The following PCDHGA5 variants were observed in gnomAD, a reference collection of about 807,000 sequenced individuals.
PCDHGA5 encodes protocadherin gamma subfamily A, 5.
PCDHGA5 carries 36 observed loss-of-function variants against 56.7 expected under a neutral mutation model. The observed-to-expected ratio is 0.64, with a 90% CI of 0.49 to 0.84. PCDHGA5 has a LOEUF of 0.84. Among genes scored for constraint, PCDHGA5 ranks in the 40% least tolerant of loss-of-function variants. PCDHGA5 has a pLI of 0.00. For synonymous variants in PCDHGA5, 563 were observed against 520.2 expected (o/e 1.08, Z -1.12); for missense variants, 1,305 against 1,201.5 (o/e 1.09, Z -1.27).
rs1588612926 is a variant in PCDHGA5, at chr5:141,365,409, G to A, written c.1079G>A (p.Cys360Tyr). The change falls in exon 1 of 4, where the codon TGT becomes TAT. Residue 360 changes from cysteine (C) to tyrosine (Y), a missense_variant. Cys to Tyr is a radical substitution (Grantham distance 194). Coordinates refer to ENST00000518069, the MANE Select transcript of PCDHGA5 (RefSeq NM_018918.3). ...TSLTSSISED[C>Y]LPGTVIALFS... ...CTGACCAGTTCGATCTCTGAAGACTGTCTTCCCGGAACTGTAATCGCGCTG... is the reference window on the plus strand; with the variant it reads ...CTGACCAGTTCGATCTCTGAAGACTATCTTCCCGGAACTGTAATCGCGCTG... 2 of 1,613,994 alleles carry A rather than the reference G, an allele frequency of 1.2e-6. No individual in the cohort carries two copies. Among genetic ancestry groups the A allele is most frequent in the Non-Finnish European group, 1.7e-6 (2 of 1,179,894 alleles).
chr5:141,491,253 T>C lies in PCDHGA5; in HGVS notation c.2422-3554T>C, dbSNP rs71583648. The C allele has an allele frequency of 2.3e-3, 3,639 of 1,614,176 alleles. 33 individuals carry two copies. The African/African-American group carries it at 0.026, about 11-fold the overall frequency. Reference sequence around the variant, plus strand: ...TGCTGGTTCTGGAGGATGAGGACCCTGAGGAAATGCCCAAATCCAGTGACT... The same window carrying C: ...TGCTGGTTCTGGAGGATGAGGACCCCGAGGAAATGCCCAAATCCAGTGACT... On this transcript the variant is annotated intron_variant, in intron 1 of 3. Coordinates refer to ENST00000518069, the MANE Select transcript of PCDHGA5 (RefSeq NM_018918.3). This position sits in a 1 kb window ranked among gnomAD's most constrained non-coding sequence, Gnocchi z 6.9.
At chr5:141,503,502 G>A (rs750139098) in intron 2 of PCDHGA5, among the ~76,000 whole-genome samples, 5 of 151,828 alleles carry the variant, frequency 3.3e-5, no homozygotes, top group Admixed American at 2.0e-4. Context: ...AAGAGGCTGA[G>A]GCAGGAGAAT....
chr5:141,394,987 T>G (rs2093144127), intron 1 of PCDHGA5: 1 of 1,613,874 alleles, frequency 6.2e-7, no homozygotes, highest in South Asian at 1.1e-5. Context: ...TCACGCCTGC[T>G]CCAGGATTCC....
chr5:141,366,464 C>A lies in PCDHGA5; in HGVS notation c.2134C>A (p.Leu712Met). ...CVFLAFVIVL[L>M]VLRLRRWHKS... ...CTTCCTGGCCTTCGTCATCGTGCTG[C>A]TGGTGCTCAGACTGAGGCGCTGGCA... is the stretch of plus-strand genomic sequence containing the variant. Residue 712 changes from leucine to methionine, a missense_variant, in exon 1 of 4, where the codon CTG becomes ATG. Transcript: ENST00000518069. The A allele has an allele frequency of 5.0e-6, 8 of 1,614,226 alleles. No individual in the cohort carries two copies. Among genetic ancestry groups the A allele is most frequent in the Non-Finnish European group, 6.8e-6 (8 of 1,180,052 alleles).
At chr5:141,430,573 A>T (rs938248057) in intron 1 of PCDHGA5, 2 of 449,056 alleles carry the variant, frequency 4.5e-6, no homozygotes, top group Non-Finnish European at 7.6e-6. Flanking sequence ...AGAAAAGCGG[A>T]GATCCTGCTC....
chr5:141,485,185 G>C lies in PCDHGA5; in HGVS notation c.2422-9622G>C. On this transcript the variant is annotated intron_variant, in intron 1 of 3. Transcript: ENST00000518069. This position sits in a 1 kb window ranked among gnomAD's most constrained non-coding sequence, Gnocchi z 5.7. ...AGCGGGCGGCAGCAATGCTCCGCAA[G>C]GTGAGAAGCTGGACAGAAATCTGGC... 6.2e-7 allele frequency: 1 copy of C among 1,613,528 alleles called. No homozygotes were observed. Among genetic ancestry groups the C allele is most frequent in the Non-Finnish European group, 8.5e-7 (1 of 1,179,492 alleles).
Position 141,511,313 on chromosome 5 carries a change from C to T in PCDHGA5, c.*140C>T. ...CCAAGGCCATGCTCCCCTTGGGAAA[C>T]AGAAACAAGTGCCCAGTCAGCACCT... On this transcript the variant is annotated 3_prime_UTR_variant, in exon 4 of 4. Transcript: ENST00000518069. 2 of 1,482,944 alleles carry T rather than the reference C, an allele frequency of 1.3e-6. No homozygotes were observed. The highest frequency in any genetic ancestry group is 2.3e-5 in the Admixed American group (1 of 43,596). 91.9% of individuals were successfully genotyped at this position (1,482,944 alleles called of 1,614,324 possible).
In PCDHGA5 at chr5:141,364,510, G is replaced by A. The variant is rs1763366973; in HGVS notation, c.180G>A (p.Ala60=). 5 of 1,614,022 alleles carry A rather than the reference G, an allele frequency of 3.1e-6. No individual in the cohort carries two copies. The highest frequency in any genetic ancestry group is 2.2e-5 in the South Asian group (2 of 91,086). The change falls in exon 1 of 4, where the codon GCG becomes GCA. Residue 60 remains alanine, a synonymous_variant. Coordinates refer to ENST00000518069, the MANE Select transcript of PCDHGA5 (RefSeq NM_018918.3). The part of the protein sequence containing the change: ...KDLGLEPQEL[A]ERGVRIVSRG... ...TTGGGCTGGAGCCCCAGGAGCTGGC[G>A]GAGCGCGGAGTCCGCATCGTCTCCA...
At chr5:141,412,729 T>C (rs1411212101) in intron 1 of PCDHGA5, 1 of 153,332 alleles carries the variant, frequency 6.5e-6, no homozygotes, top group Non-Finnish European at 1.5e-5. Flanking sequence ...GAAAACGTGT[T>C]GCAAATATAT....
At chr5:141,415,467 C>T (rs754252558) in intron 1 of PCDHGA5, 2 of 1,614,080 alleles carry the variant, frequency 1.2e-6, no homozygotes, top group African/African-American at 1.3e-5. Context: ...TCTCTCTCAC[C>T]GCGGACTCGC....
chr5:141,419,616 AC>A, intron 1 of PCDHGA5: 1 of 1,612,204 alleles, frequency 6.2e-7, no homozygotes, highest in Non-Finnish European at 8.5e-7. Flanking sequence ...CAGCCAGGCT[AC>A]CTGGTGACCA....
Position 141,431,721 on chromosome 5 carries a change from C to T in PCDHGA5, c.2422-63086C>T. The T allele has an allele frequency of 1.2e-6, 2 of 1,614,246 alleles. No homozygotes were observed. Among genetic ancestry groups the T allele is most frequent in the Non-Finnish European group, 1.7e-6 (2 of 1,180,044 alleles). On this transcript the variant is annotated intron_variant, in intron 1 of 3. Transcript: ENST00000518069. The surrounding 1 kb of genome is among the most constrained non-coding windows in gnomAD (Gnocchi z 4.8). ...GGATTCTACCAGATGGAAGTGCAAGCAATGGATAATGCAGGATATTCTGCG... is the reference window on the plus strand; with the variant it reads ...GGATTCTACCAGATGGAAGTGCAAGTAATGGATAATGCAGGATATTCTGCG...
intron 1 of PCDHGA5, chr5:141,371,737 A>G (rs762168645): frequency 6.2e-7 from 1 of 1,614,038 alleles, no homozygotes; most frequent in South Asian, 1.1e-5. Context: ...GTCAACGACA[A>G]CGTTCCCGTT....
Position 141,399,593 on chromosome 5 carries a change from C to A in PCDHGA5, c.2421+32842C>A, listed in dbSNP as rs201515317. 170 of 1,613,988 alleles carry A rather than the reference C, an allele frequency of 1.1e-4. 1 individual carries two copies. The African/African-American group carries it at 1.5e-3, about 14-fold the overall frequency. On this transcript the variant is annotated intron_variant, in intron 1 of 3. Coordinates refer to ENST00000518069, the MANE Select transcript of PCDHGA5 (RefSeq NM_018918.3). Reference sequence around the variant, plus strand: ...GGCCAAGTCTCCTACTCTATCATGGCCAGCGACCTAGAGCCTCTGGCACTG... The same window carrying A: ...GGCCAAGTCTCCTACTCTATCATGGACAGCGACCTAGAGCCTCTGGCACTG...
In PCDHGA5 at chr5:141,454,796, A is replaced by ATTTTTT. The variant is rs61612330; in HGVS notation, c.2422-39987_2422-39982dup. Among the ~76,000 whole-genome samples the ATTTTTT allele has an allele frequency of 4.9e-3, 381 of 77,456 alleles. 41 individuals carry two copies. The highest frequency in any genetic ancestry group is 0.011 in the African/African-American group (178 of 16,882). 50.8% of individuals were successfully genotyped at this position (77,456 alleles called of 152,430 possible). ...AAGGAAATAATCCTCCATGGTTCTA[A>ATTTTTT]TTTTTTTTTTTTTTTTTTTTTTTTT... On this transcript the variant is annotated intron_variant, in intron 1 of 3. Coordinates refer to ENST00000518069, the MANE Select transcript of PCDHGA5 (RefSeq NM_018918.3).
At chr5:141,440,472 A>C (rs913774913) in intron 1 of PCDHGA5, 6 of 152,322 alleles carry the variant, frequency 3.9e-5, no homozygotes, top group Admixed American at 3.9e-4. Flanking sequence ...ACGGTAGTTG[A>C]AAATTCTTTA....
Position 141,365,587 on chromosome 5 carries a change from T to A in PCDHGA5, c.1257T>A (p.Asn419Lys). 6.2e-7 allele frequency: 1 copy of A among 1,613,686 alleles called. No homozygotes were observed. Among genetic ancestry groups the A allele is most frequent in the Non-Finnish European group, 8.5e-7 (1 of 1,179,884 alleles). The change falls in exon 1 of 4, where the codon AAT becomes AAA. Residue 419 changes from asparagine (N) to lysine (K), a missense_variant. Transcript: ENST00000518069. ...ACAGAGAAGAGACTTCAGATTATAA[T>A]ATCACTTTAACCGTCATGGACCATG... is the stretch of plus-strand genomic sequence containing the variant. ...DLDREETSDY[N>K]ITLTVMDHGT...
At chr5:141,470,815 G>A (rs891225908) in intron 1 of PCDHGA5, among the ~76,000 whole-genome samples, 1 of 151,980 alleles carries the variant, frequency 6.6e-6, no homozygotes, top group African/African-American at 2.4e-5. Flanking sequence ...AGCCTTCTGA[G>A]TAGTTAGGAC....
At chr5:141,481,838 T>G (rs1297962011) in intron 1 of PCDHGA5, among the ~76,000 whole-genome samples, 2 of 150,868 alleles carry the variant, frequency 1.3e-5, no homozygotes, top group African/African-American at 4.9e-5. Flanking sequence ...GGAGAATCGC[T>G]TGATGGTGGA....
Sources: allele counts gnomAD v4.1 joint callset (sites outside exome capture counted in the v4.1 genomes callset), GRCh38; gene constraint gnomAD v4.1.1; non-coding constraint Gnocchi (gnomAD v3.1); transcripts MANE v1.5; gene names NCBI Gene and HGNC (gene_info 2026-07-23, HGNC 2026-07-21).